STARD13: variants seen among roughly 807,000 people sequenced by gnomAD.
STARD13 encodes StAR related lipid transfer domain containing 13.
A neutral mutation model predicts 106.4 loss-of-function variants in STARD13; 62 were observed. The observed-to-expected ratio is 0.58, with a 90% CI of 0.48 to 0.72. The LOEUF (loss-of-function observed/expected upper bound fraction) is 0.72. STARD13 is among the 30% of genes least tolerant of loss of function. The probability of loss-of-function intolerance (pLI) is 0.00; values close to 1 mark genes in which losing one functional copy is unlikely to be tolerated. For synonymous variants in STARD13, 565 were observed against 553.0 expected (o/e 1.02, Z -0.31); for missense variants, 1,387 against 1,424.0 (o/e 0.97, Z 0.42).
the STARD13 span, among the ~76,000 whole-genome samples, chr13:33,395,446 C>T: frequency 5.9e-5 from 9 of 151,960 alleles, no homozygotes; most frequent in East Asian, 3.9e-4. Flanking sequence ...GATCATAAAA[C>T]GCAAGCGTTT....
chr13:33,400,423 C>A, the STARD13 span, among the ~76,000 whole-genome samples: 1 of 151,818 alleles, frequency 6.6e-6, no homozygotes, highest in Non-Finnish European at 1.5e-5. Context: ...TGGCGAATAA[C>A]ACTGCAATGA....
At chr13:33,410,984 T>G in the STARD13 span, among the ~76,000 whole-genome samples, 1 of 152,248 alleles carries the variant, frequency 6.6e-6, no homozygotes, top group African/African-American at 2.4e-5. Flanking sequence ...AAAATTTCCA[T>G]GCAAACTTTT....
the STARD13 span, among the ~76,000 whole-genome samples, chr13:33,522,807 T>C: frequency 1.3e-5 from 2 of 152,176 alleles, no homozygotes; most frequent in Non-Finnish European, 2.9e-5. Context: ...GCCTTGGTCT[T>C]CTCATTTGTA....
intron 1 of STARD13, among the ~76,000 whole-genome samples, chr13:33,252,772 C>G (rs929425558): frequency 6.6e-6 from 1 of 152,192 alleles, no homozygotes; most frequent in African/African-American, 2.4e-5. Flanking sequence ...TCTGAAAGTA[C>G]TTTTCCAATA....
chr13:33,310,674 T>C (rs997783001), intron 1 of STARD13, among the ~76,000 whole-genome samples: 6 of 152,154 alleles, frequency 3.9e-5, no homozygotes, highest in Non-Finnish European at 5.9e-5. Context: ...TAATATATAA[T>C]CTTTTCACCT....
intron 4 of STARD13, among the ~76,000 whole-genome samples, chr13:33,135,017 C>T (rs1422466131): frequency 6.6e-6 from 1 of 152,238 alleles, no homozygotes; most frequent in Non-Finnish European, 1.5e-5. Context: ...GGTCAGTGCC[C>T]ATTGCATTCT....
the STARD13 span, among the ~76,000 whole-genome samples, chr13:33,600,289 C>G: frequency 6.6e-6 from 1 of 152,242 alleles, no homozygotes. Context: ...AAGCAAAGTA[C>G]AAATCTTGAT....
chr13:33,594,332 A>G, the STARD13 span, among the ~76,000 whole-genome samples: 1 of 151,870 alleles, frequency 6.6e-6, no homozygotes, highest in Non-Finnish European at 1.5e-5. Flanking sequence ...GGTCTTGTTC[A>G]GAGGACCAGC....
intron 1 of STARD13, among the ~76,000 whole-genome samples, chr13:33,191,461 GA>G (rs1193929778): frequency 6.6e-6 from 1 of 152,148 alleles, no homozygotes; most frequent in Non-Finnish European, 1.5e-5. Flanking sequence ...ATGTTGTGTT[GA>G]AGTCGGTGAC....
At chr13:33,474,647 A>G in the STARD13 span, among the ~76,000 whole-genome samples, 1 of 152,170 alleles carries the variant, frequency 6.6e-6, no homozygotes, top group Admixed American at 6.5e-5. Context: ...AATGCTTTGA[A>G]ATTGGCAGCA....
chr13:33,617,939 G>C, the STARD13 span, among the ~76,000 whole-genome samples: 1 of 152,204 alleles, frequency 6.6e-6, no homozygotes, highest in Admixed American at 6.5e-5. Context: ...TCCTATTTTA[G>C]AGCAGGAGGA....
Position 33,299,472 on chromosome 13 carries a change from C to A in STARD13, c.124+50818G>T, listed in dbSNP as rs553411099. Among the ~76,000 whole-genome samples the A allele has an allele frequency of 2.0e-5, 3 of 152,216 alleles. No homozygotes were observed. The South Asian group carries it at 6.2e-4, about 32-fold the overall frequency. ...CCTCAAATTCAAATTTTAAAAGGAACTATTAAAGACATTATTCTTTTCTCA... is the reference window on the plus strand; with the variant it reads ...CCTCAAATTCAAATTTTAAAAGGAAATATTAAAGACATTATTCTTTTCTCA... On this transcript the variant is annotated intron_variant, in intron 1 of 5. Coordinates refer to the STARD13 transcript ENST00000567873.
At chr13:33,384,792 C>T in the STARD13 span, among the ~76,000 whole-genome samples, 1 of 152,048 alleles carries the variant, frequency 6.6e-6, no homozygotes, top group East Asian at 1.9e-4. Flanking sequence ...CACCTCTACC[C>T]TCAAAAAAGA....
In STARD13 at chr13:33,105,661, C is replaced by T. The variant is rs1410181274; in HGVS notation, c.3274G>A (p.Ala1092Thr). 5 of 1,614,102 alleles carry T rather than the reference C, an allele frequency of 3.1e-6. No homozygotes were observed. The African/African-American group carries it at 4.0e-5, about 13-fold the overall frequency. Residue 1092 changes from alanine to threonine, a missense_variant, in exon 14 of 14, where the codon GCA becomes ACA. By Grantham distance (58) the Ala-to-Thr change is moderately conservative. Coordinates refer to ENST00000336934, the MANE Select transcript of STARD13 (RefSeq NM_178006.4). Reference protein sequence around the residue: ...YSKGFGHLCAAEVARIRNSFQ... With the variant: ...YSKGFGHLCATEVARIRNSFQ... ...GAGTTTCTAATCCTGGCAACTTCTG[C>T]TGCACACAGATGTCCAAAGCCTTTG... is the stretch of plus-strand genomic sequence containing the variant.
chr13:33,349,166 G>C (rs755376833), exon 2 of STARD13: 3 of 702,218 alleles, frequency 4.3e-6, no homozygotes, highest in Non-Finnish European at 7.8e-6. Context: ...TTCTTCTCTA[G>C]AACTTTCTTC....
chr13:33,381,320 G>A, the STARD13 span, among the ~76,000 whole-genome samples: 2 of 152,188 alleles, frequency 1.3e-5, no homozygotes, highest in Non-Finnish European at 2.9e-5. Flanking sequence ...CCTATTAAAC[G>A]CTTCACAGTT....
At chr13:33,142,116 C>T (rs1057116649) in intron 4 of STARD13, among the ~76,000 whole-genome samples, 194 bp downstream of exon 4, 1 of 152,148 alleles carries the variant, frequency 6.6e-6, no homozygotes, top group Non-Finnish European at 1.5e-5. Context: ...GCAGCCTCAA[C>T]CTTCTGGGTT....
chr13:33,244,861 G>A (rs549096686), intron 1 of STARD13, among the ~76,000 whole-genome samples: 8 of 152,300 alleles, frequency 5.3e-5, no homozygotes, highest in Non-Finnish European at 8.8e-5. Context: ...CCAACATACA[G>A]AACTGTGAAC....
Position 33,285,742 on chromosome 13 carries a change from A to C in STARD13, c.-104T>G. 4.0e-6 allele frequency: 6 copies of C among 1,498,992 alleles called. No homozygotes were observed. Among genetic ancestry groups the C allele is most frequent in the Non-Finnish European group, 5.3e-6 (6 of 1,129,786 alleles). 92.9% of individuals were successfully genotyped at this position (1,498,992 alleles called of 1,614,324 possible). On this transcript the variant is annotated 5_prime_UTR_variant, in exon 1 of 14. Coordinates refer to ENST00000336934, the MANE Select transcript of STARD13 (RefSeq NM_178006.4). ...CACCCAGCCCAGGACAGCTCAACAGACCCAGCGATTTTTAAAAAGAAAGAG... is the reference window on the plus strand; with the variant it reads ...CACCCAGCCCAGGACAGCTCAACAGCCCCAGCGATTTTTAAAAAGAAAGAG...
Sources: gnomAD v4.1 joint callset for allele counts (sites outside exome capture counted in the v4.1 genomes callset) on GRCh38, gnomAD v4.1.1 for gene constraint, MANE v1.5 for transcripts, NCBI Gene and HGNC (gene_info 2026-07-23, HGNC 2026-07-21) for gene names.